The following CADPS variants were observed in gnomAD, a reference collection of about 807,000 sequenced individuals.
The protein encoded by CADPS is calcium-dependent secretion activator 1.
Under a neutral mutation model 167.3 loss-of-function variants are expected in CADPS, and 57 were observed. The ratio of observed to expected loss-of-function variants is 0.34; its 90% CI spans 0.28 to 0.42. CADPS has a LOEUF of 0.42. Among genes scored for constraint, CADPS ranks in the 20% least tolerant of loss-of-function variants. CADPS has a pLI of 1.00. For synonymous variants in CADPS, 676 were observed against 635.3 expected (o/e 1.06, Z -0.96); for missense variants, 1,414 against 1,738.1 (o/e 0.81, Z 3.32).
chr3:62,725,322 T>G (rs1301988405), intron 3 of CADPS, among the ~76,000 whole-genome samples: 2 of 152,212 alleles, frequency 1.3e-5, no homozygotes, highest in Non-Finnish European at 2.9e-5. Flanking sequence ...TAATTAAAGT[T>G]GGATTAGTGA....
chr3:62,723,225 C>G (rs185455457), intron 3 of CADPS, among the ~76,000 whole-genome samples: 20 of 152,196 alleles, frequency 1.3e-4, no homozygotes, highest in Admixed American at 4.6e-4. Flanking sequence ...AACCCAGCTG[C>G]GAGGAGGTAA....
At chr3:62,741,838 C>CTGTT (rs1488195443) in intron 3 of CADPS, among the ~76,000 whole-genome samples, 2 of 152,192 alleles carry the variant, frequency 1.3e-5, no homozygotes, top group African/African-American at 2.4e-5. Flanking sequence ...CAAACTATCC[C>CTGTT]TGTTTGCAGA....
intron 11 of CADPS, among the ~76,000 whole-genome samples, chr3:62,549,147 C>A (rs1332423932): frequency 6.6e-6 from 1 of 152,182 alleles, no homozygotes; most frequent in Non-Finnish European, 1.5e-5. Context: ...AAGCAAAAGA[C>A]TCTATTTAGA....
intron 1 of CADPS, among the ~76,000 whole-genome samples, chr3:62,808,250 T>TAAATGAGAC (rs11281689): frequency 0.014 from 2,092 of 151,790 alleles, 57 homozygotes; most frequent in African/African-American, 0.048. Flanking sequence ...ATAAAAATAA[T>TAAATGAGAC]AAAAGATTGC....
intron 13 of CADPS, among the ~76,000 whole-genome samples, 138 bp downstream of exon 13, chr3:62,532,717 TTGTGTGTGTGTGTGTG>T (rs10586016): frequency 2.0e-3 from 293 of 148,908 alleles, no homozygotes; most frequent in Non-Finnish European, 3.3e-3. Context: ...TTAGTGCCCT[TTGTGTGTGTGTGTGTG>T]TGTGTGTGTG....
intron 1 of CADPS, among the ~76,000 whole-genome samples, chr3:62,809,297 A>C (rs1486347233): frequency 6.6e-6 from 1 of 152,192 alleles, no homozygotes; most frequent in Non-Finnish European, 1.5e-5. Flanking sequence ...TAGCATTCAA[A>C]CTGTTTCCTC....
chr3:62,780,826 T>C (rs948067560), intron 1 of CADPS, among the ~76,000 whole-genome samples: 1 of 152,194 alleles, frequency 6.6e-6, no homozygotes, highest in African/African-American at 2.4e-5. Flanking sequence ...CCTTCATTAA[T>C]CAGTTAAATA....
chr3:62,472,158 TTAGAGA>T (rs2060705840), intron 24 of CADPS, among the ~76,000 whole-genome samples: 1 of 151,246 alleles, frequency 6.6e-6, no homozygotes, highest in Admixed American at 6.6e-5. Context: ...AGTTAAATCC[TTAGAGA>T]TAGAAAGTAT....
intron 6 of CADPS, among the ~76,000 whole-genome samples, chr3:62,607,412 G>A (rs1274573014): frequency 3.9e-5 from 6 of 152,114 alleles, no homozygotes; most frequent in East Asian, 1.9e-4. Context: ...CTCAAATCAC[G>A]AACGCTCAAG....
chr3:62,874,649 G>C lies in CADPS; in HGVS notation c.381C>G (p.Arg127=), dbSNP rs1301644374. The C allele has an allele frequency of 6.4e-7, 1 of 1,559,692 alleles. No individual in the cohort carries two copies. Among genetic ancestry groups the C allele is most frequent in the African/African-American group, 1.4e-5 (1 of 73,580 alleles). Residue 127 remains arginine, a synonymous_variant, in exon 1 of 30, where the codon CGC becomes CGG. Transcript: ENST00000383710. This position sits in a 1 kb window ranked among gnomAD's most constrained non-coding sequence, Gnocchi z 7.1. ...KRLQLYVFVM[R]CIAYPFNAKQ... The stretch of plus-strand genomic sequence containing the variant: ...TGGCATTAAAGGGGTAGGCGATGCA[G>C]CGCATCACGAACACATACAGCTGCA...
chr3:62,591,617 A>T (rs2086058905), intron 7 of CADPS, among the ~76,000 whole-genome samples: 1 of 152,162 alleles, frequency 6.6e-6, no homozygotes, highest in Non-Finnish European at 1.5e-5. Context: ...ATTTTACCAC[A>T]AGCAGGTGGG....
chr3:62,786,004 G>A (rs1398323963), intron 1 of CADPS, among the ~76,000 whole-genome samples: 1 of 151,766 alleles, frequency 6.6e-6, no homozygotes, highest in African/African-American at 2.4e-5. Context: ...TTTGAGGCCA[G>A]GAGTTCAAAA....
In CADPS at chr3:62,492,316, A is replaced by C; in HGVS notation, c.2858T>G (p.Leu953Arg). 3 of 1,614,124 alleles carry C rather than the reference A, an allele frequency of 1.9e-6. No homozygotes were observed. The highest frequency in any genetic ancestry group is 1.1e-5 in the South Asian group (1 of 91,084). Residue 953 changes from leucine to arginine, a missense_variant, in exon 20 of 30, where the codon CTG becomes CGG. Transcript: ENST00000383710. ...DTWDSFPLFQ[L>R]LNDFLRTDYN... Reference sequence around the variant, plus strand: ...GTCAGTACGGAGAAAATCATTCAGCAGCTGAAATAGTGGAAAACTGTCCCA... The same window carrying C: ...GTCAGTACGGAGAAAATCATTCAGCCGCTGAAATAGTGGAAAACTGTCCCA...
At chr3:62,704,898 G>A (rs1215513428) in intron 3 of CADPS, among the ~76,000 whole-genome samples, 3 of 152,002 alleles carry the variant, frequency 2.0e-5, no homozygotes, top group Admixed American at 6.6e-5. Flanking sequence ...CCCTCTCTTT[G>A]TTGTATCACA....
intron 1 of CADPS, among the ~76,000 whole-genome samples, chr3:62,852,199 A>G (rs1457067261): frequency 6.6e-6 from 1 of 150,670 alleles, no homozygotes; most frequent in Non-Finnish European, 1.5e-5. Context: ...AAAGTTTTCA[A>G]CTTCTTTGCC....
chr3:62,457,128 C>T lies in CADPS; in HGVS notation c.3636+8239G>A, dbSNP rs570882256. Among the ~76,000 whole-genome samples the T allele has an allele frequency of 8.5e-5, 13 of 152,266 alleles. No homozygotes were observed. The East Asian group carries it at 1.5e-3, about 18-fold the overall frequency. On this transcript the variant is annotated intron_variant, in intron 26 of 29. Coordinates refer to ENST00000383710, the MANE Select transcript of CADPS (RefSeq NM_003716.4). ...TGAGTAGCTGATGCTAACATTTGTG[C>T]TCAGTGATAGAACTACACTAATAAT...
intron 6 of CADPS, among the ~76,000 whole-genome samples, chr3:62,600,154 C>CTT (rs111790353): frequency 3.7e-5 from 5 of 135,936 alleles, no homozygotes; most frequent in Admixed American, 7.6e-5. Flanking sequence ...TGATTTCTTT[C>CTT]TTTTTTTTTT....
At chr3:62,722,300 C>T (rs1382588729) in intron 3 of CADPS, among the ~76,000 whole-genome samples, 1 of 152,210 alleles carries the variant, frequency 6.6e-6, no homozygotes, top group African/African-American at 2.4e-5. Flanking sequence ...CTGCAGGGCA[C>T]CTCAAGGCTT....
intron 6 of CADPS, among the ~76,000 whole-genome samples, chr3:62,624,554 A>G (rs1023225128): frequency 1.3e-5 from 2 of 152,170 alleles, no homozygotes; most frequent in Non-Finnish European, 2.9e-5. Context: ...ACTGGAAAAA[A>G]AAAAATCTCT....
Sources: gnomAD v4.1 joint callset for allele counts (sites outside exome capture counted in the v4.1 genomes callset) on GRCh38, gnomAD v4.1.1 for gene constraint, Gnocchi (gnomAD v3.1) non-coding constraint, MANE v1.5 for transcripts, NCBI Gene and HGNC (gene_info 2026-07-23, HGNC 2026-07-21) for gene names.